Variants in SLC25A40 observed in about 807,000 individuals in gnomAD.
The protein encoded by SLC25A40 is solute carrier family 25 member 40.
A neutral mutation model predicts 46.5 loss-of-function variants in SLC25A40; 41 were observed. That is an observed-to-expected ratio of 0.88 (90% confidence interval 0.69 to 1.14). SLC25A40 has a LOEUF of 1.14. SLC25A40 is among the 50% of genes most tolerant of loss of function. The pLI is 0.00. For missense variants in SLC25A40, 386 were observed against 393.6 expected (o/e 0.98, Z 0.16); for synonymous variants, 126 against 127.5 (o/e 0.99, Z 0.08).
At chr7:87,853,713 C>T (rs28375568) in intron 5 of SLC25A40, among the ~76,000 whole-genome samples, 7,430 of 152,154 alleles carry the variant, frequency 0.049, 271 homozygotes, top group East Asian at 0.092. Flanking sequence ...TCCATTTATA[C>T]AACACTCTTG....
intron 1 of SLC25A40, among the ~76,000 whole-genome samples, chr7:87,874,813 AT>A: frequency 6.6e-6 from 1 of 152,316 alleles, no homozygotes; most frequent in South Asian, 2.1e-4. Flanking sequence ...TATGATTCCA[AT>A]GTTTGCAGTC....
intron 1 of SLC25A40, among the ~76,000 whole-genome samples, chr7:87,863,986 T>G (rs1359754150): frequency 6.6e-6 from 1 of 152,202 alleles, no homozygotes; most frequent in Non-Finnish European, 1.5e-5. Flanking sequence ...TCAATTAACA[T>G]AAGGATTTCT....
chr7:87,844,802 A>G (rs1019260717), intron 8 of SLC25A40, among the ~76,000 whole-genome samples: 11 of 148,644 alleles, frequency 7.4e-5, no homozygotes, highest in African/African-American at 2.7e-4. Flanking sequence ...GCTGGGGGGC[A>G]GTGGGGGTAT....
intron 6 of SLC25A40, among the ~76,000 whole-genome samples, chr7:87,849,641 C>G (rs888694296): frequency 6.6e-6 from 1 of 152,140 alleles, no homozygotes; most frequent in African/African-American, 2.4e-5. Flanking sequence ...TTTCCCTTAC[C>G]GATTCTGTTT....
chr7:87,845,487 T>C (rs1469702032), intron 8 of SLC25A40, among the ~76,000 whole-genome samples: 1 of 152,152 alleles, frequency 6.6e-6, no homozygotes, highest in Non-Finnish European at 1.5e-5. Context: ...TATGAAAATT[T>C]AATGCCTGGT....
chr7:87,860,712 G>A (rs1838683175), intron 1 of SLC25A40, 72 bp from the exon 2 acceptor site: 1 of 152,084 alleles, frequency 6.6e-6, no homozygotes, highest in South Asian at 2.1e-4. Context: ...AAAGAAAAGA[G>A]TACATAAAAA....
At chr7:87,863,527 C>A (rs1838739894) in intron 1 of SLC25A40, among the ~76,000 whole-genome samples, 1 of 151,536 alleles carries the variant, frequency 6.6e-6, no homozygotes, top group Non-Finnish European at 1.5e-5. Context: ...ATAAATAACC[C>A]AGTCTCAGGT....
At position 87,843,684 on chromosome 7, in the gene SLC25A40, G is replaced by C. The variant is rs971250252; in HGVS notation, c.741+70C>G. On this transcript the variant is annotated intron_variant, in intron 9 of 11. Transcript: ENST00000341119. ...AAGTGGATCTCAATATACATGAGAT[G>C]CTATATTTTGTTTTGTTTTAATACA... 16 of 1,130,736 alleles carry C rather than the reference G, an allele frequency of 1.4e-5. No individual in the cohort carries two copies. In the African/African-American group the frequency reaches 2.5e-4, roughly 18 times the overall value. 70.0% of individuals were successfully genotyped at this position (1,130,736 alleles called of 1,614,324 possible).
At chr7:87,858,401 T>A (rs1477326296) in intron 3 of SLC25A40, among the ~76,000 whole-genome samples, 4 of 152,304 alleles carry the variant, frequency 2.6e-5, no homozygotes, top group Middle Eastern at 6.8e-3. Flanking sequence ...AAATCCTTAA[T>A]AAAACTTGCT....
chr7:87,852,113 G>C (rs540657210), intron 5 of SLC25A40, among the ~76,000 whole-genome samples: 125 of 152,178 alleles, frequency 8.2e-4, no homozygotes, highest in African/African-American at 3.0e-3. Flanking sequence ...AAAATGGATT[G>C]AAAGACTCAA....
rs1174273630 is a variant in SLC25A40, at chr7:87,857,110, GCTACAT to G, written c.98-765_98-760del. Reference sequence around the variant, plus strand: ...AACTATCACCTAACTGTGTCATTTGGCTACATCTACAAGAAGCTGACTGTAAGAAAC... The same window carrying G: ...AACTATCACCTAACTGTGTCATTTGGCTACAAGAAGCTGACTGTAAGAAAC... On this transcript the variant is annotated intron_variant, in intron 3 of 11. Coordinates refer to ENST00000341119, the MANE Select transcript of SLC25A40 (RefSeq NM_018843.4). Among the ~76,000 whole-genome samples, 58 of 152,212 alleles carry G rather than the reference GCTACAT, an allele frequency of 3.8e-4. 1 individual carries two copies. Among genetic ancestry groups the G allele is most frequent in the African/African-American group, 1.3e-3 (53 of 41,534 alleles).
Position 87,858,649 on chromosome 7 carries a change from T to C in SLC25A40, c.79A>G (p.Ile27Val). The change falls in exon 3 of 12, where the codon ATA becomes GTA. Residue 27 changes from isoleucine (I) to valine (V), a missense_variant. Ile to Val is a conservative substitution (Grantham distance 29). Coordinates refer to ENST00000341119, the MANE Select transcript of SLC25A40 (RefSeq NM_018843.4). ...ATTTTACCTATTACTGATGTCAGTA[T>C]AGCTCCAGTACATGAGGCAAGCATT... ...QQMLASCTGA[I>V]LTSVIVTPLD... 4.4e-6 allele frequency: 7 copies of C among 1,601,290 alleles called. No homozygotes were observed. Among genetic ancestry groups the C allele is most frequent in the Non-Finnish European group, 6.0e-6 (7 of 1,168,314 alleles).
chr7:87,843,755 G>C lies in SLC25A40; in HGVS notation c.740C>G (p.Ser247Cys), dbSNP rs148648460. Residue 247 changes from serine (S) to cysteine (C), a missense_variant and splice_region_variant, in exon 9 of 12, where the codon TCT becomes TGT. Coordinates refer to ENST00000341119, the MANE Select transcript of SLC25A40 (RefSeq NM_018843.4). Reference sequence around the variant, plus strand: ...TTAACAACAAAAGAATAAACTTACAGAACCAGACAATGCCCCTGAAGTAAA... The same window carrying C: ...TTAACAACAAAAGAATAAACTTACACAACCAGACAATGCCCCTGAAGTAAA... ...INFTSGALSG[S>C]FAAVATLPFD... 1.8e-5 allele frequency: 29 copies of C among 1,597,148 alleles called. No homozygotes were observed. The highest frequency in any genetic ancestry group is 3.4e-5 in the Admixed American group (2 of 59,102).
intron 11 of SLC25A40, 46 bp from the exon 12 acceptor site, chr7:87,836,407 C>A: frequency 5.0e-6 from 6 of 1,201,120 alleles, no homozygotes; most frequent in Non-Finnish European, 6.8e-6. Flanking sequence ...TTTTTCTTAC[C>A]TTATTTTTAA....
At chr7:87,837,204 C>T (rs1838269601) in intron 10 of SLC25A40, 2 of 150,640 alleles carry the variant, frequency 1.3e-5, no homozygotes, top group Admixed American at 1.3e-4. Flanking sequence ...ATCTCTTGAG[C>T]TTAAGAGTTC....
intron 1 of SLC25A40, among the ~76,000 whole-genome samples, chr7:87,870,656 C>G (rs1367592966): frequency 6.6e-6 from 1 of 152,176 alleles, no homozygotes; most frequent in African/African-American, 2.4e-5. Flanking sequence ...AGAGAAGAAG[C>G]AGCCGAATGT....
At chr7:87,868,307 T>C (rs1017449382) in intron 1 of SLC25A40, among the ~76,000 whole-genome samples, 1 of 152,220 alleles carries the variant, frequency 6.6e-6, no homozygotes, top group Non-Finnish European at 1.5e-5. Flanking sequence ...TCCTCTGCTC[T>C]CACACCAGAA....
intron 3 of SLC25A40, 102 bp downstream of exon 3, chr7:87,858,529 G>A (rs1838648939): frequency 1.3e-5 from 9 of 705,052 alleles, no homozygotes; most frequent in South Asian, 1.7e-5. Flanking sequence ...CAATACTTAT[G>A]GAAAATAGAA....
At chr7:87,847,817 CAG>C in intron 7 of SLC25A40, 34 bp downstream of exon 7, 1 of 1,582,148 alleles carries the variant, frequency 6.3e-7, no homozygotes, top group East Asian at 2.3e-5. Context: ...AAGCTCTAAA[CAG>C]AAATCAAAAT....
Sources: allele counts gnomAD v4.1 joint callset (sites outside exome capture counted in the v4.1 genomes callset), GRCh38; gene constraint gnomAD v4.1.1; transcripts MANE v1.5; gene names NCBI Gene and HGNC (gene_info 2026-07-23, HGNC 2026-07-21).